The following SERINC5 variants were observed in gnomAD, a reference collection of about 807,000 sequenced individuals.
The protein encoded by SERINC5 is chromosome 5 open reading frame 12.
In SERINC5, 41 loss-of-function variants were observed where a neutral mutation model predicts 63.1. That is an observed-to-expected ratio of 0.65 (90% CI 0.51 to 0.84). SERINC5 has a LOEUF of 0.84. Among genes scored for constraint, SERINC5 ranks in the 40% least tolerant of loss-of-function variants. SERINC5 has a pLI of 0.00. For synonymous variants in SERINC5, 222 were observed against 215.2 expected, an observed-to-expected ratio of 1.03 and a Z score of -0.28; for missense variants, 523 against 573.0, an observed-to-expected ratio of 0.91 and a Z score of 0.89.
chr5:80,166,701 A>G (rs544146903), intron 6 of SERINC5: 8 of 396,396 alleles, frequency 2.0e-5, no homozygotes, highest in African/African-American at 1.6e-4. Flanking sequence ...CAAAGACATC[A>G]GGTTCTGCCA....
At chr5:80,133,527 A>G (rs139418834) in intron 11 of SERINC5, among the ~76,000 whole-genome samples, 380 of 152,334 alleles carry the variant, frequency 2.5e-3, no homozygotes, top group Non-Finnish European at 4.7e-3. Flanking sequence ...GAGATAAACT[A>G]AAGAGGGAAA....
chr5:80,146,149 G>C lies in SERINC5; in HGVS notation c.1179C>G (p.Phe393Leu). The C allele has an allele frequency of 6.2e-7, 1 of 1,614,018 alleles. No individual in the cohort carries two copies. Among genetic ancestry groups the C allele is most frequent in the African/African-American group, 1.3e-5 (1 of 75,054 alleles). Residue 393 changes from phenylalanine (F) to leucine (L), a missense_variant, in exon 11 of 12, where the codon TTC (phenylalanine) becomes TTG (leucine). By Grantham distance (22) the Phe-to-Leu change is conservative. Coordinates refer to ENST00000507668, the MANE Select transcript of SERINC5 (RefSeq NM_001174072.3). ...GGGAAGCTAGGAAGAACACGAAGTG[G>C]AAGTAGGAGTAGATGTAGACGGTGC... ...KKGTVYIYSY[F>L]HFVFFLASLY...
At chr5:80,202,464 T>G (rs1033071938) in intron 2 of SERINC5, among the ~76,000 whole-genome samples, 2 of 151,864 alleles carry the variant, frequency 1.3e-5, no homozygotes, top group African/African-American at 4.8e-5. Flanking sequence ...GCTGTGGGGC[T>G]GGGAAGGGGG....
In SERINC5 at chr5:80,139,846, T is replaced by C; in HGVS notation, c.*3817A>G. 2.0e-6 allele frequency: 2 copies of C among 985,344 alleles called. No homozygotes were observed. The highest frequency in any genetic ancestry group is 2.4e-6 in the Non-Finnish European group (2 of 829,926). 61.0% of individuals were successfully genotyped at this position (985,344 alleles called of 1,614,324 possible). ...TAGTTCAAGGTTTGTCCCTTCTTAG[T>C]TGTAGGTTGGGCCCTCTTTCGTTTC... On this transcript the variant is annotated 3_prime_UTR_variant, in exon 12 of 12. Transcript: ENST00000507668.
At chr5:80,187,659 T>C (rs930165292) in intron 2 of SERINC5, among the ~76,000 whole-genome samples, 9 of 152,232 alleles carry the variant, frequency 5.9e-5, no homozygotes, top group Non-Finnish European at 1.2e-4. Flanking sequence ...CTCTTTTCTT[T>C]GGGTTATCTG....
In SERINC5 at chr5:80,141,234, T is replaced by C; in HGVS notation, c.*2429A>G. 3.0e-6 allele frequency: 3 copies of C among 985,482 alleles called. No individual in the cohort carries two copies. The highest frequency in any genetic ancestry group is 3.6e-6 in the Non-Finnish European group (3 of 829,944). 61.0% of individuals were successfully genotyped at this position (985,482 alleles called of 1,614,324 possible). ...TCAGAGCAACTGTAACTCTTCCTCT[T>C]GCATCAGACCAACCGGCAGAAGGGA... is the stretch of plus-strand genomic sequence containing the variant. On this transcript the variant is annotated 3_prime_UTR_variant, in exon 12 of 12. Coordinates refer to ENST00000507668, the MANE Select transcript of SERINC5 (RefSeq NM_001174072.3).
At chr5:80,254,439 T>C (rs1752557383) in intron 1 of SERINC5, among the ~76,000 whole-genome samples, 1 of 152,154 alleles carries the variant, frequency 6.6e-6, no homozygotes, top group African/African-American at 2.4e-5. Flanking sequence ...CAAAACCCAT[T>C]TGAATACTGG....
At chr5:80,126,927 G>T (rs1379602613) in intron 11 of SERINC5, among the ~76,000 whole-genome samples, 1 of 152,012 alleles carries the variant, frequency 6.6e-6, no homozygotes, top group Non-Finnish European at 1.5e-5. Context: ...TTGTTAATTT[G>T]TCTACAAAAT....
chr5:80,135,633 A>C (rs1580040160), downstream of SERINC5, among the ~76,000 whole-genome samples: 1 of 152,104 alleles, frequency 6.6e-6, no homozygotes, highest in East Asian at 1.9e-4. Flanking sequence ...AGGTCAAGTA[A>C]AGTAAGGACG....
chr5:80,220,467 G>T lies in SERINC5; in HGVS notation c.28-17414C>A, dbSNP rs141113849. Among the ~76,000 whole-genome samples, 296 of 152,296 alleles carry T rather than the reference G, an allele frequency of 1.9e-3. 3 individuals are homozygous for T. Among genetic ancestry groups the T allele is most frequent in the African/African-American group, 6.8e-3 (284 of 41,564 alleles). ...GTTCAGGAAACAGATCTTAATTACT[G>T]TTATTTGTTCAGTCAAACCTAGCAT... On this transcript the variant is annotated intron_variant, in intron 1 of 11. Transcript: ENST00000507668.
chr5:80,113,698 A>G (rs889364645), intron 11 of SERINC5: 17 of 184,334 alleles, frequency 9.2e-5, no homozygotes, highest in Admixed American at 5.6e-4. Context: ...ATCAGCTCTC[A>G]TGAGACTTAT....
chr5:80,183,750 T>G (rs999462005), intron 2 of SERINC5, among the ~76,000 whole-genome samples: 2 of 151,946 alleles, frequency 1.3e-5, no homozygotes, highest in Non-Finnish European at 2.9e-5. Flanking sequence ...AATTTTCCAT[T>G]ACCTTCCTAA....
intron 1 of SERINC5, among the ~76,000 whole-genome samples, chr5:80,213,388 A>AGAC (rs1310250854): frequency 2.0e-5 from 3 of 152,224 alleles, no homozygotes; most frequent in African/African-American, 7.2e-5. Flanking sequence ...TACAGAGACG[A>AGAC]GACCAAGGCT....
intron 8 of SERINC5, among the ~76,000 whole-genome samples, chr5:80,156,133 C>G (rs1746505301): frequency 6.6e-6 from 1 of 152,164 alleles, no homozygotes; most frequent in Non-Finnish European, 1.5e-5. Flanking sequence ...TCTTGGCCTT[C>G]TTCTCCTTTT....
Position 80,141,776 on chromosome 5 carries a change from TGAGTACA to T in SERINC5, c.*1880_*1886del, listed in dbSNP as rs1745525191. The T allele has an allele frequency of 1.0e-6, 1 of 985,334 alleles. No homozygotes were observed. The highest frequency in any genetic ancestry group is 1.7e-5 in the African/African-American group (1 of 57,234). 61.0% of individuals were successfully genotyped at this position (985,334 alleles called of 1,614,324 possible). A position where few individuals can be genotyped will look rare whatever the true frequency, so the allele number is the denominator to read the frequency against. ...GACTCCAGATGAATCTTTTAACTGC[TGAGTACA>T]GAGCTCCTGCCCTAAAAAAGGAAAT... On this transcript the variant is annotated 3_prime_UTR_variant, in exon 12 of 12. Coordinates refer to ENST00000507668, the MANE Select transcript of SERINC5 (RefSeq NM_001174072.3).
intron 11 of SERINC5, among the ~76,000 whole-genome samples, chr5:80,125,644 T>C (rs1744719123): frequency 6.6e-6 from 1 of 152,138 alleles, no homozygotes; most frequent in African/African-American, 2.4e-5. Flanking sequence ...TTGATTTGCA[T>C]TATTGAAAGC....
At position 80,163,825 on chromosome 5, in the gene SERINC5, A is replaced by AT. The variant is rs940523487; in HGVS notation, c.859+2557dup. ...TGTTCATCAGGGGTATTGGTCTGTA[A>AT]TTTTTTTTTGTTGTGTCCTTGTCTG... On this transcript the variant is annotated intron_variant, in intron 7 of 11. Coordinates refer to ENST00000507668, the MANE Select transcript of SERINC5 (RefSeq NM_001174072.3). 4.6e-5 allele frequency among the ~76,000 whole-genome samples: 7 copies of AT among 150,800 alleles called. No homozygotes were observed. The East Asian group carries it at 7.8e-4, about 17-fold the overall frequency.
chr5:80,220,023 C>A (rs1038688400), intron 1 of SERINC5, among the ~76,000 whole-genome samples: 1 of 152,060 alleles, frequency 6.6e-6, no homozygotes, highest in African/African-American at 2.4e-5. Context: ...GCCTGGCCAA[C>A]ATGGCCAAAC....
At chr5:80,115,365 G>A (rs1744289907) in intron 11 of SERINC5, among the ~76,000 whole-genome samples, 1 of 151,874 alleles carries the variant, frequency 6.6e-6, no homozygotes, top group South Asian at 2.1e-4. Flanking sequence ...ACCTTAGCAG[G>A]TTCAGAATAA....
Sources: allele counts gnomAD v4.1 joint callset (sites outside exome capture counted in the v4.1 genomes callset), GRCh38; gene constraint gnomAD v4.1.1; transcripts MANE v1.5; gene names NCBI Gene and HGNC (gene_info 2026-07-23, HGNC 2026-07-21).